The following NUP153 variants were observed in gnomAD, a reference collection of about 807,000 sequenced individuals.
NUP153 encodes nuclear pore complex protein Nup153.
NUP153 carries 27 observed loss-of-function variants against 134.6 expected under a neutral mutation model. The observed-to-expected ratio is 0.20, with a 90% CI of 0.15 to 0.28. NUP153 has a LOEUF of 0.28. Among genes scored for constraint, NUP153 ranks in the 10% least tolerant of loss-of-function variants. The pLI is 1.00. For synonymous variants in NUP153, 640 were observed against 623.5 expected, an observed-to-expected ratio of 1.03 and a Z score of -0.40; for missense variants, 1,821 against 1,731.3, an observed-to-expected ratio of 1.05 and a Z score of -0.92.
At chr6:17,635,103 T>C (rs953588070) in intron 16 of NUP153, among the ~76,000 whole-genome samples, 3 of 114,022 alleles carry the variant, frequency 2.6e-5, no homozygotes, top group Non-Finnish European at 3.6e-5. Flanking sequence ...GCTTGGCTTA[T>C]CTTTTTTTTT....
chr6:17,641,937 C>T (rs1765864605), intron 14 of NUP153, among the ~76,000 whole-genome samples: 3 of 152,208 alleles, frequency 2.0e-5, no homozygotes, highest in African/African-American at 7.2e-5. Context: ...ATTCAGTCTA[C>T]AATTCTACTT....
chr6:17,674,953 C>T lies in NUP153; in HGVS notation c.804G>A (p.Gly268=), dbSNP rs1204060126. 6.2e-7 allele frequency: 1 copy of T among 1,613,510 alleles called. No individual in the cohort carries two copies. The highest frequency in any genetic ancestry group is 1.1e-5 in the South Asian group (1 of 91,048). The change falls in exon 5 of 22, where the codon GGG becomes GGA. Residue 268 remains glycine (G), a synonymous_variant. Transcript: ENST00000262077. The stretch of plus-strand genomic sequence containing the variant: ...TAGACTGTCTTACAGCAGCTGCTGC[C>T]CCACCGTATGTTGTTTTTCCAGGAT... ...PFYPGKTTYG[G]AAAAVRQSKL...
intron 1 of NUP153, among the ~76,000 whole-genome samples, chr6:17,694,998 G>A (rs548948882): frequency 2.0e-5 from 3 of 151,630 alleles, no homozygotes; most frequent in East Asian, 3.9e-4. Flanking sequence ...AAAAAAGAGA[G>A]AGTGGGAAGT....
At chr6:17,652,480 C>T (rs1766558276) in intron 11 of NUP153, among the ~76,000 whole-genome samples, 1 of 151,998 alleles carries the variant, frequency 6.6e-6, no homozygotes, top group African/African-American at 2.4e-5. Context: ...AATTACAATG[C>T]TTCTAGAAGC....
chr6:17,620,860 ACAAGAGG>A (rs1764612770), intron 20 of NUP153, among the ~76,000 whole-genome samples: 1 of 152,192 alleles, frequency 6.6e-6, no homozygotes, highest in Non-Finnish European at 1.5e-5. Flanking sequence ...ACAAAAATAG[ACAAGAGG>A]GACTATATTA....
chr6:17,619,065 C>T (rs1353742085), intron 20 of NUP153, among the ~76,000 whole-genome samples: 1 of 152,144 alleles, frequency 6.6e-6, no homozygotes, highest in African/African-American at 2.4e-5. Context: ...CACATCAAGA[C>T]ACATCCTGAT....
At position 17,616,588 on chromosome 6, in the gene NUP153, C is replaced by A; in HGVS notation, c.4282G>T (p.Ala1428Ser). The A allele has an allele frequency of 1.2e-6, 2 of 1,614,164 alleles. No individual in the cohort carries two copies. Among genetic ancestry groups the A allele is most frequent in the Non-Finnish European group, 1.7e-6 (2 of 1,180,002 alleles). Residue 1428 changes from alanine to serine, a missense_variant, in exon 21 of 22, where the codon GCC (alanine) becomes TCC (serine). Physicochemically the swap from Ala to Ser is moderately conservative, Grantham distance 99 (BLOSUM62 1). Transcript: ENST00000262077. ...AAGCCCCCCGAGCCTGAAGGCTGGG[C>A]TGAGGCTGCAGGTGTGCTAGAATTT... is the stretch of plus-strand genomic sequence containing the variant. ...GANSSTPAAS[A>S]QPSGSGGFPF...
At chr6:17,618,352 A>G (rs1764445123) in intron 20 of NUP153, among the ~76,000 whole-genome samples, 1 of 152,192 alleles carries the variant, frequency 6.6e-6, no homozygotes, top group African/African-American at 2.4e-5. Flanking sequence ...AGAAACACTG[A>G]GACAAAAATA....
chr6:17,695,726 G>A (rs1275683054), intron 1 of NUP153, among the ~76,000 whole-genome samples: 2 of 152,106 alleles, frequency 1.3e-5, no homozygotes, highest in African/African-American at 4.8e-5. Context: ...GAGTTAACAG[G>A]GGGCTGGGCA....
rs1195432248 is a variant in NUP153 at position 17,628,023 on chromosome 6, C to T, written c.3544+632G>A. On this transcript the variant is annotated intron_variant, in intron 18 of 21. Coordinates refer to ENST00000262077, the MANE Select transcript of NUP153 (RefSeq NM_005124.4). The surrounding 1 kb of genome is among the most constrained non-coding windows in gnomAD (Gnocchi z 5.4). ...GATCTAACTTGGATCACTCTTTGTA[C>T]TGGTGCACTAAGTTTGGGGAAATTC... 6.6e-6 allele frequency among the ~76,000 whole-genome samples: 1 copy of T among 152,208 alleles called. No individual in the cohort carries two copies. Among genetic ancestry groups the T allele is most frequent in the Non-Finnish European group, 1.5e-5 (1 of 68,038 alleles).
At chr6:17,654,227 C>A (rs1766671637) in intron 11 of NUP153, among the ~76,000 whole-genome samples, 1 of 152,150 alleles carries the variant, frequency 6.6e-6, no homozygotes, top group African/African-American at 2.4e-5. Context: ...CAGCGTAGAA[C>A]CCTAAAAACA....
At chr6:17,622,957 C>A (rs1393514095) in intron 20 of NUP153, among the ~76,000 whole-genome samples, 1 of 151,756 alleles carries the variant, frequency 6.6e-6, no homozygotes, top group East Asian at 1.9e-4. Context: ...GGTGAAACCC[C>A]ATCTCTACTA....
intron 15 of NUP153, 23 bp from the exon 16 acceptor site, chr6:17,637,793 T>G: frequency 1.3e-6 from 2 of 1,568,364 alleles, no homozygotes; most frequent in Non-Finnish European, 1.7e-6. Flanking sequence ...AAGGAGAGAG[T>G]GCAACGTTAG....
At chr6:17,700,296 C>A (rs1769968612) in intron 1 of NUP153, among the ~76,000 whole-genome samples, 1 of 152,140 alleles carries the variant, frequency 6.6e-6, no homozygotes, top group Non-Finnish European at 1.5e-5. Context: ...TATGCCAGGT[C>A]CTGTTCTAAA....
At chr6:17,692,279 G>C (rs1395202974) in intron 1 of NUP153, among the ~76,000 whole-genome samples, 6 of 152,192 alleles carry the variant, frequency 3.9e-5, no homozygotes, top group Non-Finnish European at 8.8e-5. Flanking sequence ...CAGCCCAGAA[G>C]AGCTTAATAG....
rs779232489 is a variant in NUP153, at chr6:17,680,277, G to A, written c.335-4507C>T. ...AAGACAGGCAATACAGACCATGGAC[G>A]TGAACACAGGGCCCAGAAATAAACT... is the stretch of plus-strand genomic sequence containing the variant. On this transcript the variant is annotated intron_variant, in intron 2 of 21. Coordinates refer to ENST00000262077, the MANE Select transcript of NUP153 (RefSeq NM_005124.4). This position sits in a 1 kb window ranked among gnomAD's most constrained non-coding sequence, Gnocchi z 4.5. Among the ~76,000 whole-genome samples the A allele has an allele frequency of 2.7e-4, 41 of 152,154 alleles. No homozygotes were observed. Among genetic ancestry groups the A allele is most frequent in the Admixed American group, 1.0e-3 (16 of 15,260 alleles).
intron 20 of NUP153, among the ~76,000 whole-genome samples, chr6:17,621,474 A>G (rs75036961): frequency 0.041 from 6,211 of 152,314 alleles, 394 homozygotes; most frequent in East Asian, 0.29. Flanking sequence ...CAACAGATGG[A>G]TACAGAAAAT....
intron 8 of NUP153, among the ~76,000 whole-genome samples, chr6:17,665,916 T>G (rs1053342933): frequency 1.3e-5 from 2 of 151,832 alleles, no homozygotes; most frequent in South Asian, 4.2e-4. Context: ...CTCAAACTCC[T>G]GGGCTCAAGC....
Position 17,661,646 on chromosome 6 carries a change from A to G in NUP153, c.1395+7T>C, listed in dbSNP as rs1767189730. The G allele has an allele frequency of 1.8e-5, 29 of 1,612,098 alleles. No individual in the cohort carries two copies. The highest frequency in any genetic ancestry group is 2.3e-5 in the Non-Finnish European group (27 of 1,178,662). ...AACCTCAAGAGTATATGAGTATACA[A>G]CCCTACCTCCTCCTCCAGAGGTTTA... is the stretch of plus-strand genomic sequence containing the variant. On this transcript the variant is annotated splice_region_variant and intron_variant, in intron 11 of 21. Coordinates refer to ENST00000262077, the MANE Select transcript of NUP153 (RefSeq NM_005124.4).
Sources: allele counts gnomAD v4.1 joint callset (sites outside exome capture counted in the v4.1 genomes callset), GRCh38; gene constraint gnomAD v4.1.1; non-coding constraint Gnocchi (gnomAD v3.1); transcripts MANE v1.5; gene names NCBI Gene and HGNC (gene_info 2026-07-23, HGNC 2026-07-21).